ERC2: variants seen among roughly 807,000 people sequenced by gnomAD.
ERC2 encodes the protein ELKS/RAB6-interacting/CAST family member 2.
ERC2 carries 42 observed loss-of-function variants against 114.8 expected under a neutral mutation model. That is an observed-to-expected ratio of 0.37 (90% confidence interval 0.29 to 0.47). The LOEUF is 0.47. Ranked by LOEUF, ERC2 falls within the 20% of genes least tolerant of loss-of-function variation. The pLI, the probability that ERC2 is intolerant of heterozygous loss-of-function variation, is 0.99. For synonymous variants in ERC2, 454 were observed against 425.5 expected (o/e 1.07, Z -0.82); for missense variants, 939 against 1,150.7 (o/e 0.82, Z 2.66).
intron 9 of ERC2, 34 bp from the exon 10 acceptor site, chr3:56,007,355 T>C (rs776815907): frequency 1.3e-6 from 2 of 1,568,554 alleles, no homozygotes; most frequent in African/African-American, 2.7e-5. Context: ...AGTAAAACAC[T>C]GAAATTTCTA....
At chr3:55,526,821 A>C (rs1372232289) in intron 17 of ERC2, among the ~76,000 whole-genome samples, 2 of 152,108 alleles carry the variant, frequency 1.3e-5, no homozygotes, top group Non-Finnish European at 2.9e-5. Context: ...CTGGGGTTGG[A>C]CTTCCTCATG....
chr3:56,113,215 G>C (rs2079054435), intron 6 of ERC2, among the ~76,000 whole-genome samples: 1 of 152,022 alleles, frequency 6.6e-6, no homozygotes, highest in Admixed American at 6.6e-5. Flanking sequence ...ACTGAATATA[G>C]AAAGATGGGA....
intron 3 of ERC2, among the ~76,000 whole-genome samples, chr3:56,267,381 T>C (rs747866681): frequency 5.3e-5 from 8 of 152,196 alleles, no homozygotes; most frequent in Non-Finnish European, 1.2e-4. Flanking sequence ...AAAGGCTACA[T>C]GATCTCACTT....
At chr3:56,384,565 T>C (rs1228327097) in intron 2 of ERC2, among the ~76,000 whole-genome samples, 1 of 152,136 alleles carries the variant, frequency 6.6e-6, no homozygotes, top group African/African-American at 2.4e-5. Context: ...TTCTTTGATG[T>C]TGTCAAGTTA....
chr3:56,185,713 C>T (rs2083555271), intron 3 of ERC2, among the ~76,000 whole-genome samples: 1 of 152,140 alleles, frequency 6.6e-6, no homozygotes, highest in Non-Finnish European at 1.5e-5. Flanking sequence ...ATTTCTAAAA[C>T]TTACTAATAT....
intron 14 of ERC2, among the ~76,000 whole-genome samples, chr3:55,851,337 A>T (rs2061563962): frequency 6.6e-6 from 1 of 152,084 alleles, no homozygotes; most frequent in African/African-American, 2.4e-5. Context: ...CTCTCCACTT[A>T]AACTACACTT....
chr3:55,764,788 T>G (rs1030417731), intron 14 of ERC2, among the ~76,000 whole-genome samples: 2 of 152,244 alleles, frequency 1.3e-5, no homozygotes, highest in African/African-American at 4.8e-5. Flanking sequence ...ATCTAGAGGC[T>G]AAATATAGAG....
At chr3:55,697,778 G>C (rs1440075444) in intron 16 of ERC2, among the ~76,000 whole-genome samples, 1 of 151,900 alleles carries the variant, frequency 6.6e-6, no homozygotes, top group Non-Finnish European at 1.5e-5. Context: ...GGTTTGAGTG[G>C]GGGAACTCAG....
rs113451958 is a variant in ERC2 at position 55,524,735 on chromosome 3, A to G, written c.*40-13459T>C. Among the ~76,000 whole-genome samples the G allele has an allele frequency of 2.2e-3, 338 of 152,300 alleles. 1 individual carries two copies. The highest frequency in any genetic ancestry group is 0.014 in the Middle Eastern group (4 of 294). Reference sequence around the variant, plus strand: ...CTCACTTGTGAACGGGTGCCAACAAAATGATATATTTTACATTCTTTCACA... The same window carrying G: ...CTCACTTGTGAACGGGTGCCAACAAGATGATATATTTTACATTCTTTCACA... On this transcript the variant is annotated intron_variant, in intron 17 of 17. Transcript: ENST00000288221.
At chr3:55,530,993 G>C (rs1411050034) in intron 17 of ERC2, among the ~76,000 whole-genome samples, 1 of 152,142 alleles carries the variant, frequency 6.6e-6, no homozygotes, top group Non-Finnish European at 1.5e-5. Context: ...TTTGAAGTCT[G>C]CTCAGGGAAC....
At chr3:56,131,395 C>T (rs1248082150) in intron 6 of ERC2, among the ~76,000 whole-genome samples, 1 of 152,110 alleles carries the variant, frequency 6.6e-6, no homozygotes, top group Non-Finnish European at 1.5e-5. Context: ...ACATTCCTTG[C>T]AAGTCTTGAA....
chr3:56,124,405 C>A (rs780583468), intron 6 of ERC2, among the ~76,000 whole-genome samples: 1 of 152,222 alleles, frequency 6.6e-6, no homozygotes, highest in Non-Finnish European at 1.5e-5. Flanking sequence ...AACAATTTAT[C>A]TCTAAAGGAC....
intron 3 of ERC2, among the ~76,000 whole-genome samples, chr3:56,247,162 T>C (rs986943648): frequency 7.9e-5 from 12 of 152,136 alleles, no homozygotes; most frequent in Non-Finnish European, 1.3e-4. Context: ...AACACCCAGC[T>C]ACAACATGAC....
intron 15 of ERC2, among the ~76,000 whole-genome samples, chr3:55,715,640 T>C (rs1337808866): frequency 1.3e-5 from 2 of 152,134 alleles, no homozygotes; most frequent in East Asian, 3.9e-4. Context: ...TGGGGTGTTT[T>C]TTTTCCTCTC....
At chr3:56,212,794 T>TAC (rs148746898) in intron 3 of ERC2, among the ~76,000 whole-genome samples, 47,104 of 143,384 alleles carry the variant, frequency 0.33, 8,455 homozygotes, top group Middle Eastern at 0.42. Context: ...CATATACATA[T>TAC]ACACACACAC....
chr3:55,985,084 G>C (rs1166594700), intron 12 of ERC2, among the ~76,000 whole-genome samples: 1 of 152,058 alleles, frequency 6.6e-6, no homozygotes, highest in Admixed American at 6.5e-5. Context: ...TTCTTTTTTT[G>C]AAGTTTAGAT....
chr3:56,275,548 C>T (rs1415897143), intron 3 of ERC2, among the ~76,000 whole-genome samples: 1 of 152,198 alleles, frequency 6.6e-6, no homozygotes, highest in African/African-American at 2.4e-5. Flanking sequence ...GTTCAAAGCT[C>T]TTGCCCTTCT....
intron 13 of ERC2, among the ~76,000 whole-genome samples, chr3:55,936,435 T>C (rs554566552): frequency 9.7e-4 from 148 of 152,296 alleles, no homozygotes; most frequent in African/African-American, 3.3e-3. Context: ...CAGATAAGTA[T>C]ACAAATAACT....
At chr3:55,754,642 A>T (rs1211916661) in intron 14 of ERC2, among the ~76,000 whole-genome samples, 1 of 151,138 alleles carries the variant, frequency 6.6e-6, no homozygotes, top group East Asian at 1.9e-4. Flanking sequence ...AGTAATAGAA[A>T]AATATCAATG....
Sources: allele counts gnomAD v4.1 joint callset (sites outside exome capture counted in the v4.1 genomes callset), GRCh38; gene constraint gnomAD v4.1.1; transcripts MANE v1.5; gene names NCBI Gene and HGNC (gene_info 2026-07-23, HGNC 2026-07-21).